The following PLEKHO2 variants were observed in gnomAD, a reference collection of about 807,000 sequenced individuals.
The protein encoded by PLEKHO2 is pleckstrin homology domain-containing family O member 2.
A neutral mutation model predicts 32.7 loss-of-function variants in PLEKHO2; 20 were observed. The ratio of observed to expected loss-of-function variants is 0.61; its 90% confidence interval spans 0.43 to 0.89. PLEKHO2 has a LOEUF of 0.89. Ranked by LOEUF, PLEKHO2 falls within the 40% of genes least tolerant of loss-of-function variation. The pLI is 0.00. For synonymous variants in PLEKHO2, 247 were observed against 246.3 expected, an observed-to-expected ratio of 1.00 and a Z score of -0.03; for missense variants, 568 against 621.2, an observed-to-expected ratio of 0.91 and a Z score of 0.91.
Position 64,853,291 on chromosome 15 carries a change from T to TG in PLEKHO2, c.163-1630_163-1629insG, listed in dbSNP as rs1224456772. On this transcript the variant is annotated intron_variant, in intron 2 of 5. Coordinates refer to ENST00000323544, the MANE Select transcript of PLEKHO2 (RefSeq NM_025201.5). ...TCTTTTTCTTTTTCTTTTTTTTTTTTTTTGAGACAGAGTCTCGCTCTGTTG... is the reference window on the plus strand; with the variant it reads ...TCTTTTTCTTTTTCTTTTTTTTTTTTGTTTGAGACAGAGTCTCGCTCTGTTG... 8.5e-3 allele frequency among the ~76,000 whole-genome samples: 1,262 copies of TG among 149,192 alleles called. 27 individuals are homozygous for TG. The highest frequency in any genetic ancestry group is 0.029 in the African/African-American group (1,192 of 40,472).
At chr15:64,864,877 C>G in intron 5 of PLEKHO2, 22 bp from the exon 6 acceptor site, 1 of 1,554,542 alleles carries the variant, frequency 6.4e-7, no homozygotes. Context: ...AGATGACACC[C>G]ATATACCATC....
At chr15:64,858,671 A>T (rs913441552) in intron 3 of PLEKHO2, among the ~76,000 whole-genome samples, 1 of 152,200 alleles carries the variant, frequency 6.6e-6, no homozygotes, top group Non-Finnish European at 1.5e-5. Context: ...GAGGGAAGGC[A>T]ATGGTGCTAA....
chr15:64,861,163 C>T (rs1463762126), intron 4 of PLEKHO2, among the ~76,000 whole-genome samples: 1 of 152,162 alleles, frequency 6.6e-6, no homozygotes, highest in African/African-American at 2.4e-5. Context: ...TGCTTTCAAC[C>T]TTCTCTCCTA....
At chr15:64,857,245 T>G (rs1414060693) in intron 3 of PLEKHO2, among the ~76,000 whole-genome samples, 1 of 152,266 alleles carries the variant, frequency 6.6e-6, no homozygotes, top group Admixed American at 6.5e-5. Context: ...TAGCAGTGCC[T>G]ATGTCCCTGG....
chr15:64,858,997 A>G (rs1435315411), intron 3 of PLEKHO2, among the ~76,000 whole-genome samples: 1 of 152,128 alleles, frequency 6.6e-6, no homozygotes, highest in Non-Finnish European at 1.5e-5. Flanking sequence ...AACTCTAGGT[A>G]CCTCATATAG....
chr15:64,848,135 A>G (rs1178569540), intron 1 of PLEKHO2, among the ~76,000 whole-genome samples: 1 of 152,232 alleles, frequency 6.6e-6, no homozygotes, highest in African/African-American at 2.4e-5. Context: ...TGATGTTGTA[A>G]GCACTCAGTA....
chr15:64,865,392 G>A lies in PLEKHO2; in HGVS notation c.977G>A (p.Gly326Asp), dbSNP rs201140922. Reference sequence around the variant, plus strand: ...TCAGAGAAACTGAAAGCCTCCATGGGTGAGATGCAGGCTTCTGGGCCACCT... The same window carrying A: ...TCAGAGAAACTGAAAGCCTCCATGGATGAGATGCAGGCTTCTGGGCCACCT... ...ILSEKLKASM[G>D]EMQASGPPAP... The change falls in exon 6 of 6, where the codon GGT (glycine) becomes GAT (aspartate). Residue 326 changes from glycine (G) to aspartate (D), a missense_variant. Coordinates refer to ENST00000323544, the MANE Select transcript of PLEKHO2 (RefSeq NM_025201.5). 8.1e-6 allele frequency: 13 copies of A among 1,613,756 alleles called. No individual in the cohort carries two copies. The African/African-American group carries it at 1.3e-4, about 17-fold the overall frequency.
At position 64,865,052 on chromosome 15, in the gene PLEKHO2, C is replaced by A. The variant is rs754642752; in HGVS notation, c.637C>A (p.Pro213Thr). The A allele has an allele frequency of 1.7e-5, 28 of 1,614,000 alleles. No homozygotes were observed. In the South Asian group the frequency reaches 3.0e-4, roughly 17 times the overall value. Residue 213 changes from proline (P) to threonine (T), a missense_variant, in exon 6 of 6, where the codon CCT becomes ACT. Coordinates refer to ENST00000323544, the MANE Select transcript of PLEKHO2 (RefSeq NM_025201.5). ...GCCTCCTACCAAGCCTTTCCTAGCA[C>A]CTGAGACCACCAGCCCTGGTGACAG... Reference protein sequence around the residue: ...LMPPTKPFLAPETTSPGDRVE... With the variant: ...LMPPTKPFLATETTSPGDRVE...
At position 64,865,389 on chromosome 15, in the gene PLEKHO2, T is replaced by G; in HGVS notation, c.974T>G (p.Met325Arg). The G allele has an allele frequency of 6.2e-7, 1 of 1,613,754 alleles. No individual in the cohort carries two copies. Among genetic ancestry groups the G allele is most frequent in the East Asian group, 2.2e-5 (1 of 44,862 alleles). ...KILSEKLKASMGEMQASGPPA... is the reference protein window; with the variant it reads ...KILSEKLKASRGEMQASGPPA... ...TTATCAGAGAAACTGAAAGCCTCCATGGGTGAGATGCAGGCTTCTGGGCCA... is the reference window on the plus strand; with the variant it reads ...TTATCAGAGAAACTGAAAGCCTCCAGGGGTGAGATGCAGGCTTCTGGGCCA... Residue 325 changes from methionine to arginine, a missense_variant, in exon 6 of 6, where the codon ATG becomes AGG. Met to Arg is a moderately conservative substitution (Grantham distance 91). Transcript: ENST00000323544.
chr15:64,842,375 A>ACC (rs2084490663), intron 1 of PLEKHO2, among the ~76,000 whole-genome samples: 1 of 136,326 alleles, frequency 7.3e-6, no homozygotes, highest in African/African-American at 3.1e-5. Context: ...TCGGATCCTG[A>ACC]CTCTCTCTCT....
At chr15:64,847,982 C>G (rs2084535508) in intron 1 of PLEKHO2, among the ~76,000 whole-genome samples, 1 of 152,244 alleles carries the variant, frequency 6.6e-6, no homozygotes, top group Non-Finnish European at 1.5e-5. Context: ...GGGTCCCCCA[C>G]TGTCCTCTCG....
At chr15:64,853,594 G>A (rs1349477774) in intron 2 of PLEKHO2, among the ~76,000 whole-genome samples, 2 of 152,014 alleles carry the variant, frequency 1.3e-5, no homozygotes, top group Admixed American at 6.6e-5. Flanking sequence ...GCACCCAGCC[G>A]GGAGTTTGCA....
At chr15:64,854,751 C>A (rs536220386) in intron 2 of PLEKHO2, among the ~76,000 whole-genome samples, 170 bp from the exon 3 acceptor site, 1 of 152,368 alleles carries the variant, frequency 6.6e-6, no homozygotes, top group South Asian at 2.1e-4. Context: ...CCAGCATGCA[C>A]TTGCCAGGGT....
intron 3 of PLEKHO2, 53 bp from the exon 4 acceptor site, chr15:64,859,841 A>T: frequency 6.6e-7 from 1 of 1,507,018 alleles, no homozygotes; most frequent in African/African-American, 1.4e-5. Context: ...TTAAGATGCC[A>T]AATGTGAGCT....
At chr15:64,848,984 T>C (rs2084544847) in intron 2 of PLEKHO2, among the ~76,000 whole-genome samples, 1 of 148,650 alleles carries the variant, frequency 6.7e-6, no homozygotes, top group Non-Finnish European at 1.5e-5. Flanking sequence ...AACTTAATTC[T>C]TTTTTTTTTG....
chr15:64,864,841 C>T (rs2084669385), intron 5 of PLEKHO2, 58 bp from the exon 6 acceptor site: 3 of 1,528,274 alleles, frequency 2.0e-6, no homozygotes, highest in Non-Finnish European at 1.8e-6. Flanking sequence ...TCAGTGGGCA[C>T]ACCTGACCCA....
intron 2 of PLEKHO2, among the ~76,000 whole-genome samples, chr15:64,848,982 T>TC (rs987014297): frequency 1.3e-5 from 2 of 152,142 alleles, no homozygotes; most frequent in African/African-American, 4.8e-5. Context: ...TAAACTTAAT[T>TC]CTTTTTTTTT....
chr15:64,849,897 A>G (rs1304793183), intron 2 of PLEKHO2, among the ~76,000 whole-genome samples: 1 of 151,464 alleles, frequency 6.6e-6, no homozygotes, highest in Non-Finnish European at 1.5e-5. Context: ...GTAGTGGCTT[A>G]CACCTATAAT....
chr15:64,851,425 GA>G (rs1481823117), intron 2 of PLEKHO2, among the ~76,000 whole-genome samples: 2 of 152,122 alleles, frequency 1.3e-5, no homozygotes, highest in Admixed American at 6.5e-5. Context: ...TCCCAAACAT[GA>G]AAAATCTAAA....
Sources: allele counts gnomAD v4.1 joint callset (sites outside exome capture counted in the v4.1 genomes callset), GRCh38; gene constraint gnomAD v4.1.1; transcripts MANE v1.5; gene names NCBI Gene and HGNC (gene_info 2026-07-23, HGNC 2026-07-21).